MYCT1: variants seen among roughly 807,000 people sequenced by gnomAD.
The protein encoded by MYCT1 is myc target protein 1.
In MYCT1, 12 loss-of-function variants were observed where a neutral mutation model predicts 15.0. That is an observed-to-expected ratio of 0.80 (90% CI 0.51 to 1.29). The LOEUF (loss-of-function observed/expected upper bound fraction) is 1.29. MYCT1 is among the 50% of genes most tolerant of loss of function. The pLI, the probability that MYCT1 is intolerant of heterozygous loss-of-function variation, is 0.00. For missense variants in MYCT1, 287 were observed against 279.1 expected, an observed-to-expected ratio of 1.03 and a Z score of -0.20; for synonymous variants, 104 against 102.7, an observed-to-expected ratio of 1.01 and a Z score of -0.07.
intron 1 of MYCT1, among the ~76,000 whole-genome samples, chr6:152,706,423 A>T (rs1273549003): frequency 6.6e-6 from 1 of 152,188 alleles, no homozygotes; most frequent in East Asian, 1.9e-4. Flanking sequence ...CTTTCAACTT[A>T]AATCGCTGAG....
At chr6:152,743,611 A>G in the MYCT1 span, among the ~76,000 whole-genome samples, 2 of 152,160 alleles carry the variant, frequency 1.3e-5, no homozygotes, top group South Asian at 2.1e-4. Context: ...ACCATGCCCC[A>G]CTCCCCACTC....
At chr6:152,737,345 TTA>T in the MYCT1 span, among the ~76,000 whole-genome samples, 1 of 151,958 alleles carries the variant, frequency 6.6e-6, no homozygotes, top group South Asian at 2.1e-4. Context: ...ATGTGTGTGT[TTA>T]TATATAAATT....
the MYCT1 span, among the ~76,000 whole-genome samples, chr6:152,737,508 T>C: frequency 1.3e-5 from 2 of 152,040 alleles, no homozygotes; most frequent in African/African-American, 4.8e-5. Context: ...GCAGTGCAGC[T>C]CCAGAACACC....
the MYCT1 span, among the ~76,000 whole-genome samples, chr6:152,734,445 A>G: frequency 1.3e-5 from 2 of 152,140 alleles, no homozygotes; most frequent in Non-Finnish European, 2.9e-5. Context: ...GCTTGGAAAA[A>G]CTGCAATGTT....
At chr6:152,705,389 C>T (rs2099722083) in intron 1 of MYCT1, among the ~76,000 whole-genome samples, 1 of 152,122 alleles carries the variant, frequency 6.6e-6, no homozygotes, top group Non-Finnish European at 1.5e-5. Flanking sequence ...CTACTGAATG[C>T]TTATGGCTTT....
rs77879277 is a variant in MYCT1, at chr6:152,720,226, A to G, written c.197-1516A>G. On this transcript the variant is annotated intron_variant, in intron 1 of 1. Transcript: ENST00000367245. Reference sequence around the variant, plus strand: ...CTGGCAGGCTAGTCTGGCCTTATTTATATGCTGACAATGGCAGGGGTCCCA... The same window carrying G: ...CTGGCAGGCTAGTCTGGCCTTATTTGTATGCTGACAATGGCAGGGGTCCCA... Among the ~76,000 whole-genome samples the G allele has an allele frequency of 5.6e-3, 854 of 151,952 alleles. 4 individuals carry two copies. Among genetic ancestry groups the G allele is most frequent in the Non-Finnish European group, 9.5e-3 (645 of 67,952 alleles).
chr6:152,714,325 CCT>C (rs1194710913), intron 1 of MYCT1, among the ~76,000 whole-genome samples: 6 of 141,906 alleles, frequency 4.2e-5, no homozygotes, highest in African/African-American at 1.6e-4. Flanking sequence ...TTTTTTTGCC[CCT>C]GTTTCATTAA....
the MYCT1 span, among the ~76,000 whole-genome samples, chr6:152,730,310 C>T: frequency 6.6e-6 from 1 of 152,160 alleles, no homozygotes; most frequent in African/African-American, 2.4e-5. Flanking sequence ...TGCAAAATTC[C>T]AGAGATTACT....
the MYCT1 span, among the ~76,000 whole-genome samples, chr6:152,747,100 T>C: frequency 6.6e-6 from 1 of 151,954 alleles, no homozygotes; most frequent in Non-Finnish European, 1.5e-5. Flanking sequence ...AATTTTCTAA[T>C]TTAAAAGAAT....
rs1173770584 is a variant in MYCT1, at chr6:152,722,224, T to G, written c.679T>G (p.Ser227Ala). Residue 227 changes from serine (S) to alanine (A), a missense_variant, in exon 2 of 2, where the codon TCC (serine) becomes GCC (alanine). Physicochemically the swap from Ser to Ala is moderately conservative, Grantham distance 99 (BLOSUM62 1). Transcript: ENST00000367245. ...LSTPPPPAYE[S>A]IIKAFPDS ...AACACCGCCCCCACCTGCCTATGAGTCCATCATCAAGGCATTCCCAGATTC... is the reference window on the plus strand; with the variant it reads ...AACACCGCCCCCACCTGCCTATGAGGCCATCATCAAGGCATTCCCAGATTC... 4 of 1,613,352 alleles carry G rather than the reference T, an allele frequency of 2.5e-6. No individual in the cohort carries two copies. In the Admixed American group the frequency reaches 6.7e-5, roughly 27 times the overall value.
At chr6:152,736,970 T>C in the MYCT1 span, among the ~76,000 whole-genome samples, 1 of 152,128 alleles carries the variant, frequency 6.6e-6, no homozygotes. Flanking sequence ...AATGATGTTG[T>C]GAGCCTTCCA....
At chr6:152,734,245 T>C in the MYCT1 span, among the ~76,000 whole-genome samples, 3 of 152,176 alleles carry the variant, frequency 2.0e-5, no homozygotes, top group South Asian at 6.2e-4. Flanking sequence ...GGTTCCCACA[T>C]CATATCTCAG....
rs993852412 is a variant in MYCT1 at position 152,722,384 on chromosome 6, G to A, written c.*131G>A. On this transcript the variant is annotated 3_prime_UTR_variant, in exon 2 of 2. Coordinates refer to ENST00000367245, the MANE Select transcript of MYCT1 (RefSeq NM_025107.3). The stretch of plus-strand genomic sequence containing the variant: ...GAGTTCCAAGTTGAAACATGGTTGT[G>A]CAAGTTGGACATTACAATGTAAAAC... The A allele has an allele frequency of 5.6e-6, 5 of 889,498 alleles. No homozygotes were observed. The highest frequency in any genetic ancestry group is 5.0e-5 in the African/African-American group (3 of 59,804). The allele number at this position is 889,498 out of a possible 1,614,324, so 55.1% of individuals were successfully genotyped here. A position where few individuals can be genotyped will look rare whatever the true frequency, so the allele number is the denominator to read the frequency against.
At chr6:152,715,207 A>ATTT (rs2099723431) in intron 1 of MYCT1, among the ~76,000 whole-genome samples, 7 of 152,278 alleles carry the variant, frequency 4.6e-5, no homozygotes, top group Admixed American at 2.0e-4. Context: ...ATGGCTTCAA[A>ATTT]CAAATTTAAG....
the MYCT1 span, among the ~76,000 whole-genome samples, chr6:152,745,075 C>A: frequency 6.6e-6 from 1 of 152,090 alleles, no homozygotes; most frequent in Admixed American, 6.5e-5. Flanking sequence ...TCAGGGCAGG[C>A]CTCCATCCTG....
chr6:152,746,049 G>A, the MYCT1 span, among the ~76,000 whole-genome samples: 4 of 152,184 alleles, frequency 2.6e-5, no homozygotes, highest in African/African-American at 9.6e-5. Context: ...TCCCTGGCCT[G>A]TGGAGAATAG....
chr6:152,701,234 C>T lies in MYCT1; in HGVS notation c.196+3136C>T, dbSNP rs1029019391. Among the ~76,000 whole-genome samples, 6 of 152,138 alleles carry T rather than the reference C, an allele frequency of 3.9e-5. No individual in the cohort carries two copies. The East Asian group carries it at 5.8e-4, about 15-fold the overall frequency. ...TCCAGTTCATTAGTTCACTCAGAAG[C>T]GTTCGCTGACCATATTAGGCAATGT... On this transcript the variant is annotated intron_variant, in intron 1 of 1. Coordinates refer to ENST00000367245, the MANE Select transcript of MYCT1 (RefSeq NM_025107.3).
chr6:152,741,423 A>G, the MYCT1 span, among the ~76,000 whole-genome samples: 10 of 152,082 alleles, frequency 6.6e-5, no homozygotes, highest in Non-Finnish European at 1.5e-5. Flanking sequence ...CCACTTTTCC[A>G]CCTTGAATGT....
At chr6:152,720,342 C>T (rs1565394841) in intron 1 of MYCT1, among the ~76,000 whole-genome samples, 1 of 152,028 alleles carries the variant, frequency 6.6e-6, no homozygotes, top group Non-Finnish European at 1.5e-5. Context: ...CAAAGCAAGT[C>T]ATGAAGCCTG....
Sources: gnomAD v4.1 joint callset for allele counts (sites outside exome capture counted in the v4.1 genomes callset) on GRCh38, gnomAD v4.1.1 for gene constraint, MANE v1.5 for transcripts, NCBI Gene and HGNC (gene_info 2026-07-23, HGNC 2026-07-21) for gene names.